The following GIGYF2 variants were observed in gnomAD, a reference collection of about 807,000 sequenced individuals.
GIGYF2 encodes GRB10 interacting GYF protein 2.
In GIGYF2, 25 loss-of-function variants were observed where a neutral mutation model predicts 208.1. The observed-to-expected ratio is 0.12, with a 90% CI of 0.09 to 0.17. The LOEUF (loss-of-function observed/expected upper bound fraction) is 0.17. GIGYF2 is among the 10% of genes least tolerant of loss of function. GIGYF2 has a pLI of 1.00. For missense variants in GIGYF2, 1,302 were observed against 1,579.4 expected (o/e 0.82, Z 2.98); for synonymous variants, 534 against 543.8 (o/e 0.98, Z 0.25).
chr2:232,722,439 T>A (rs1410547937), intron 2 of GIGYF2: 1 of 152,004 alleles, frequency 6.6e-6, no homozygotes. Flanking sequence ...TTCAGTTACC[T>A]CCCCCTGGTC....
At chr2:232,745,896 A>G (rs898952723) in intron 3 of GIGYF2, among the ~76,000 whole-genome samples, 9 of 152,212 alleles carry the variant, frequency 5.9e-5, no homozygotes, top group Non-Finnish European at 7.3e-5. Flanking sequence ...ACCAGTTTAC[A>G]TGAAATGCAA....
chr2:232,732,064 G>C (rs563698565), intron 2 of GIGYF2, among the ~76,000 whole-genome samples: 1 of 152,298 alleles, frequency 6.6e-6, no homozygotes, highest in African/African-American at 2.4e-5. Context: ...CATCATAGAA[G>C]TCTCCTGCTT....
chr2:232,723,503 T>G (rs1697039004), intron 2 of GIGYF2, among the ~76,000 whole-genome samples: 1 of 149,820 alleles, frequency 6.7e-6, no homozygotes, highest in South Asian at 2.1e-4. Flanking sequence ...CGATCTCAGC[T>G]CACTGCAACC....
chr2:232,772,380 C>T (rs1699303091), intron 8 of GIGYF2, among the ~76,000 whole-genome samples: 2 of 152,028 alleles, frequency 1.3e-5, no homozygotes, highest in African/African-American at 4.8e-5. Context: ...TAAGAAATTC[C>T]AGGAAGACAT....
chr2:232,701,577 A>G (rs2106239971), intron 1 of GIGYF2, among the ~76,000 whole-genome samples: 1 of 151,852 alleles, frequency 6.6e-6, no homozygotes, highest in Non-Finnish European at 1.5e-5. Context: ...TTATAGGTCC[A>G]TGCCACCACA....
chr2:232,710,672 A>G (rs1268630839), intron 2 of GIGYF2, among the ~76,000 whole-genome samples: 2 of 150,962 alleles, frequency 1.3e-5, no homozygotes, highest in African/African-American at 2.4e-5. Context: ...AATAAGTGTC[A>G]CATTTTGGAT....
At chr2:232,716,581 A>C (rs1295779894) in intron 2 of GIGYF2, among the ~76,000 whole-genome samples, 1 of 151,788 alleles carries the variant, frequency 6.6e-6, no homozygotes, top group Non-Finnish European at 1.5e-5. Flanking sequence ...ATGGGGTTTC[A>C]CCATGTTGGC....
At chr2:232,852,204 T>G (rs2106434028) in intron 28 of GIGYF2, among the ~76,000 whole-genome samples, 1 of 152,276 alleles carries the variant, frequency 6.6e-6, no homozygotes, top group South Asian at 2.1e-4. Flanking sequence ...CCAGCCCTGG[T>G]GAAAACAACA....
Position 232,816,974 on chromosome 2 carries a change from G to T in GIGYF2, c.2312G>T (p.Arg771Leu). The T allele has an allele frequency of 1.2e-6, 2 of 1,613,006 alleles. No individual in the cohort carries two copies. The highest frequency in any genetic ancestry group is 1.1e-5 in the South Asian group (1 of 91,064). ...AGACAACAGGAGGAAATTCTTCGGCGACAGCAGGAAGAAGAAAGGAAAAGG... is the reference window on the plus strand; with the variant it reads ...AGACAACAGGAGGAAATTCTTCGGCTACAGCAGGAAGAAGAAAGGAAAAGG... ...LRRQQEEILR[R>L]QQEEERKRRE... is the part of the protein sequence containing the mutation. The change falls in exon 20 of 29, where the codon CGA becomes CTA. Residue 771 changes from arginine (R) to leucine (L), a missense_variant. By Grantham distance (102) the Arg-to-Leu change is moderately radical. Around this residue, in one of 8 missense-constraint regions of GIGYF2, gnomAD observed 701 missense variants for 793.0 expected, o/e 0.88. Coordinates refer to ENST00000373563, the MANE Select transcript of GIGYF2 (RefSeq NM_001103146.3).
chr2:232,729,812 T>G lies in GIGYF2; in HGVS notation c.-43-5343T>G, dbSNP rs1273141133. ...GCAACGAGTGCAGGTTTTTTGGCTT[T>G]CTTCGATTCATATTGTGGAAGGTGT... On this transcript the variant is annotated intron_variant, in intron 2 of 28. Coordinates refer to ENST00000373563, the MANE Select transcript of GIGYF2 (RefSeq NM_001103146.3). The G allele has an allele frequency of 2.2e-4, 162 of 746,654 alleles. 2 individuals carry two copies. In the East Asian group the frequency reaches 4.0e-3, roughly 18 times the overall value. 46.3% of individuals were successfully genotyped at this position (746,654 alleles called of 1,614,324 possible). A position where few individuals can be genotyped will look rare whatever the true frequency, so the allele number is the denominator to read the frequency against.
chr2:232,709,107 G>A (rs1177470353), intron 2 of GIGYF2, among the ~76,000 whole-genome samples: 1 of 152,148 alleles, frequency 6.6e-6, no homozygotes, highest in Admixed American at 6.5e-5. Context: ...GGGTGACAGA[G>A]TGAGACTCCA....
chr2:232,766,035 T>C (rs1018589645), intron 8 of GIGYF2: 3 of 471,024 alleles, frequency 6.4e-6, no homozygotes, highest in Non-Finnish European at 1.3e-5. Flanking sequence ...TCCCAGTAAT[T>C]TCCGCCCTTT....
intron 8 of GIGYF2, among the ~76,000 whole-genome samples, chr2:232,770,111 T>C (rs1699171467): frequency 6.6e-6 from 1 of 152,188 alleles, no homozygotes; most frequent in Admixed American, 6.5e-5. Context: ...GGAACTCTTG[T>C]TGTAGAAGTT....
At chr2:232,771,878 C>G (rs1423307269) in intron 8 of GIGYF2, among the ~76,000 whole-genome samples, 1 of 152,132 alleles carries the variant, frequency 6.6e-6, no homozygotes, top group African/African-American at 2.4e-5. Context: ...GTCTGCAAAT[C>G]CTTTGAAGCC....
intron 2 of GIGYF2, among the ~76,000 whole-genome samples, chr2:232,732,922 G>C (rs1436104177): frequency 6.6e-6 from 1 of 152,060 alleles, no homozygotes; most frequent in Non-Finnish European, 1.5e-5. Context: ...GAGCCACCAT[G>C]CTCGGCAGTT....
intron 2 of GIGYF2, among the ~76,000 whole-genome samples, chr2:232,709,733 C>T (rs1427147646): frequency 2.6e-5 from 4 of 151,532 alleles, no homozygotes; most frequent in Non-Finnish European, 5.9e-5. Flanking sequence ...CCCTTGAACC[C>T]GGGAGGCAGA....
At position 232,791,030 on chromosome 2, in the gene GIGYF2, C is replaced by T. The variant is rs1700054675; in HGVS notation, c.953C>T (p.Pro318Leu). The T allele has an allele frequency of 1.2e-6, 2 of 1,613,906 alleles. No individual in the cohort carries two copies. The highest frequency in any genetic ancestry group is 1.1e-5 in the South Asian group (1 of 91,082). ...SLKKVQKEPI[P>L]EEQEMDFRPV... is the part of the protein sequence containing the mutation. Reference sequence around the variant, plus strand: ...CAGAAAGTACAGAAAGAGCCTATTCCAGAAGAGCAGGAGATGGACTTCCGG... The same window carrying T: ...CAGAAAGTACAGAAAGAGCCTATTCTAGAAGAGCAGGAGATGGACTTCCGG... The change falls in exon 11 of 29, where the codon CCA becomes CTA. Residue 318 changes from proline (P) to leucine (L), a missense_variant. By Grantham distance (98) the Pro-to-Leu change is moderately conservative (BLOSUM62 -3). Coordinates refer to ENST00000373563, the MANE Select transcript of GIGYF2 (RefSeq NM_001103146.3).
chr2:232,854,793 A>G (rs949322609), intron 28 of GIGYF2, among the ~76,000 whole-genome samples: 1 of 152,186 alleles, frequency 6.6e-6, no homozygotes, highest in African/African-American at 2.4e-5. Context: ...TATTTATTTG[A>G]AAACTTGAAC....
At chr2:232,787,363 C>T (rs1166125708) in intron 9 of GIGYF2, 34 bp downstream of exon 9, 1 of 1,576,638 alleles carries the variant, frequency 6.3e-7, no homozygotes, top group Non-Finnish European at 8.7e-7. Context: ...CACACAGGGA[C>T]TGAAATAAGG....
Sources: allele counts gnomAD v4.1 joint callset (sites outside exome capture counted in the v4.1 genomes callset), GRCh38; gene constraint gnomAD v4.1.1; regional missense constraint gnomAD v4.1.1; transcripts MANE v1.5; gene names NCBI Gene and HGNC (gene_info 2026-07-23, HGNC 2026-07-21).